DOT1L: variants seen among roughly 807,000 people sequenced by gnomAD.
DOT1L encodes DOT1 like histone lysine methyltransferase, also known as histone-lysine N-methyltransferase, H3 lysine-79 specific.
A neutral mutation model predicts 153.3 loss-of-function variants in DOT1L; 33 were observed. The observed-to-expected ratio is 0.22, with a 90% CI of 0.16 to 0.29. The LOEUF is 0.29. DOT1L is among the 10% of genes least tolerant of loss of function. DOT1L has a pLI of 1.00. For missense variants in DOT1L, 1,847 were observed against 2,119.9 expected, an observed-to-expected ratio of 0.87 and a Z score of 2.53; for synonymous variants, 1,135 against 965.1, an observed-to-expected ratio of 1.18 and a Z score of -3.26.
In DOT1L at chr19:2,204,153, G is replaced by A. The variant is rs1048480282; in HGVS notation, c.787+1374G>A. Among the ~76,000 whole-genome samples, 21 of 151,906 alleles carry A rather than the reference G, an allele frequency of 1.4e-4. No individual in the cohort carries two copies. Among genetic ancestry groups the A allele is most frequent in the East Asian group, 3.9e-4 (2 of 5,190 alleles). ...CATGCCTGTGTCTCTGTGTGTGCCC[G>A]TGTGCCTGTGTGTCTGTTAGCGTGT... On this transcript the variant is annotated intron_variant, in intron 9 of 27. Coordinates refer to ENST00000398665, the MANE Select transcript of DOT1L (RefSeq NM_032482.3). The surrounding 1 kb of genome is among the most constrained non-coding windows in gnomAD (Gnocchi z 5.7).
rs890063796 is a variant in DOT1L, at chr19:2,208,662, A to G, written c.964-273A>G. Among the ~76,000 whole-genome samples the G allele has an allele frequency of 1.1e-4, 17 of 152,102 alleles. No homozygotes were observed. Among genetic ancestry groups the G allele is most frequent in the African/African-American group, 4.1e-4 (17 of 41,408 alleles). On this transcript the variant is annotated intron_variant, in intron 11 of 27. Transcript: ENST00000398665. The surrounding 1 kb of genome is among the most constrained non-coding windows in gnomAD (Gnocchi z 4.4). ...AGCCCTCCCTCTTCCAGAAGCAGAG[A>G]CACATCCCAGGGCCCTGTGTCTGTT...
In DOT1L at chr19:2,226,896, C is replaced by G. The variant is rs1490016602; in HGVS notation, c.4375C>G (p.Gln1459Glu). 1.3e-6 allele frequency: 2 copies of G among 1,578,388 alleles called. No individual in the cohort carries two copies. Among genetic ancestry groups the G allele is most frequent in the Non-Finnish European group, 1.7e-6 (2 of 1,170,996 alleles). The change falls in exon 27 of 28, where the codon CAG becomes GAG. Residue 1459 changes from glutamine (Q) to glutamate (E), a missense_variant. Transcript: ENST00000398665. ...CGCAGGCGGCGCGGCGTCCTCCGCC[C>G]AGACGCACCGGTCCTTCCTGGGCCC... ...SSAGGAASSAQTHRSFLGPFP... is the reference protein window; with the variant it reads ...SSAGGAASSAETHRSFLGPFP...
intron 8 of DOT1L, among the ~76,000 whole-genome samples, chr19:2,200,549 C>T (rs1174406540): frequency 1.3e-5 from 2 of 152,260 alleles, no homozygotes; most frequent in Non-Finnish European, 2.9e-5. Context: ...AGCACTCCAG[C>T]GTGTGCCAGG....
At chr19:2,225,242 C>G in intron 25 of DOT1L, 146 bp from the exon 26 acceptor site, 1 of 747,240 alleles carries the variant, frequency 1.3e-6, no homozygotes, top group Non-Finnish European at 2.3e-6. Context: ...AGGCCTGGCC[C>G]AGGGTGGCTG....
chr19:2,175,748 T>G (rs1323252959), intron 1 of DOT1L, among the ~76,000 whole-genome samples: 1 of 152,112 alleles, frequency 6.6e-6, no homozygotes, highest in South Asian at 2.1e-4. Flanking sequence ...GAAAATCGCT[T>G]GAACCCAGGA....
At chr19:2,202,178 G>A (rs932032559) in intron 8 of DOT1L, among the ~76,000 whole-genome samples, 2 of 152,256 alleles carry the variant, frequency 1.3e-5, no homozygotes, top group South Asian at 2.1e-4. Context: ...TGGGAAAGCA[G>A]TGCTGGGCCT....
Position 2,207,599 on chromosome 19 carries a change from G to T in DOT1L, c.882G>T (p.Val294=). ...ACATCGGCACCATCATGCGCGTGGT[G>T]GAGCTCTCGCCCCTGAAGGGCTCGG... The part of the protein sequence containing the change: ...LSDIGTIMRV[V]ELSPLKGSVS... Residue 294 remains valine (V), a synonymous_variant, in exon 11 of 28, where the codon GTG becomes GTT. Coordinates refer to ENST00000398665, the MANE Select transcript of DOT1L (RefSeq NM_032482.3). The surrounding 1 kb of genome is among the most constrained non-coding windows in gnomAD (Gnocchi z 4.5). 6.2e-7 allele frequency: 1 copy of T among 1,612,028 alleles called. No homozygotes were observed. Among genetic ancestry groups the T allele is most frequent in the Non-Finnish European group, 8.5e-7 (1 of 1,179,724 alleles).
In DOT1L at chr19:2,216,310, G is replaced by A; in HGVS notation, c.1953G>A (p.Gln651=). 6.3e-7 allele frequency: 1 copy of A among 1,590,920 alleles called. No homozygotes were observed. The change falls in exon 20 of 28, where the codon CAG becomes CAA. Residue 651 remains glutamine, a synonymous_variant. Coordinates refer to ENST00000398665, the MANE Select transcript of DOT1L (RefSeq NM_032482.3). ...GCATTGTGGAGCTAGAGAAGAGCCA[G>A]CGGCAGCAGGAGCTCCTGCAGCTCA... ...QISIVELEKS[Q]RQQELLQLKS...
intron 22 of DOT1L, among the ~76,000 whole-genome samples, chr19:2,218,325 A>G (rs1011596070): frequency 6.6e-6 from 1 of 152,232 alleles, no homozygotes; most frequent in Non-Finnish European, 1.5e-5. Context: ...TTTTCTGGGC[A>G]TTGAACTATT....
intron 22 of DOT1L, among the ~76,000 whole-genome samples, chr19:2,218,136 T>C (rs1180572081): frequency 1.3e-5 from 2 of 152,124 alleles, no homozygotes; most frequent in Non-Finnish European, 2.9e-5. Flanking sequence ...CGTGTGCAAG[T>C]GGAGAGGGCC....
At chr19:2,202,831 G>T in intron 9 of DOT1L, 52 bp downstream of exon 9, 1 of 1,599,992 alleles carries the variant, frequency 6.3e-7, no homozygotes, top group South Asian at 1.1e-5. Context: ...TTGAGGAAGG[G>T]TGGCCAGGAG....
chr19:2,227,386 C>T (rs1461824018), intron 27 of DOT1L: 1 of 704,066 alleles, frequency 1.4e-6, no homozygotes, highest in South Asian at 1.5e-5. Flanking sequence ...GCAGGGCCAC[C>T]AGAGCATTAC....
At chr19:2,172,504 T>C (rs1051508875) in intron 1 of DOT1L, among the ~76,000 whole-genome samples, 2 of 150,254 alleles carry the variant, frequency 1.3e-5, no homozygotes, top group African/African-American at 4.9e-5. Flanking sequence ...CTTTTCTTTC[T>C]TTCTTTTTTT....
At chr19:2,227,148 T>C in intron 27 of DOT1L, 21 bp downstream of exon 27, 2 of 1,556,262 alleles carry the variant, frequency 1.3e-6, no homozygotes, top group East Asian at 2.3e-5. Flanking sequence ...CGGCCGTCCG[T>C]CCGCCCCCCG....
rs970829295 is a variant in DOT1L at position 2,189,789 on chromosome 19, C to T, written c.258C>T (p.His86=). 5.6e-6 allele frequency: 9 copies of T among 1,612,092 alleles called. No individual in the cohort carries two copies. In the African/African-American group the frequency reaches 9.3e-5, roughly 17 times the overall value. ...ACAACCGTGCCATCGACAGCATCCACCAGCTGGTAGGTGGCTTGCCCCTGC... is the reference window on the plus strand; with the variant it reads ...ACAACCGTGCCATCGACAGCATCCATCAGCTGGTAGGTGGCTTGCCCCTGC... ...DKYNRAIDSI[H]QLWKGTTQPM... Residue 86 remains histidine, a synonymous_variant, in exon 4 of 28, where the codon CAC becomes CAT. Coordinates refer to ENST00000398665, the MANE Select transcript of DOT1L (RefSeq NM_032482.3).
In DOT1L at chr19:2,217,820, C is replaced by T. The variant is rs894034200; in HGVS notation, c.2593C>T (p.Leu865=). ...CAGCAGCGGGGAGCTCATCACCAGCCTGCCCATCAGCATCCCGCTCAGCAC... is the reference window on the plus strand; with the variant it reads ...CAGCAGCGGGGAGCTCATCACCAGCTTGCCCATCAGCATCCCGCTCAGCAC... ...YGSSGELITS[L]PISIPLSTVQ... is the part of the protein sequence containing the mutation. Residue 865 remains leucine, a synonymous_variant, in exon 22 of 28, where the codon CTG becomes TTG. Transcript: ENST00000398665. The surrounding 1 kb of genome is among the most constrained non-coding windows in gnomAD (Gnocchi z 7.3). 2 of 1,608,746 alleles carry T rather than the reference C, an allele frequency of 1.2e-6. No homozygotes were observed. The highest frequency in any genetic ancestry group is 1.7e-6 in the Non-Finnish European group (2 of 1,178,352).
At chr19:2,168,788 G>T (rs1287719037) in intron 1 of DOT1L, among the ~76,000 whole-genome samples, 1 of 152,024 alleles carries the variant, frequency 6.6e-6, no homozygotes, top group Non-Finnish European at 1.5e-5. Flanking sequence ...CTAATTTTTT[G>T]TATTTTTAGT....
chr19:2,167,780 G>T (rs2019983298), intron 1 of DOT1L, among the ~76,000 whole-genome samples: 3 of 148,622 alleles, frequency 2.0e-5, no homozygotes, highest in Non-Finnish European at 4.4e-5. Context: ...CTATCGCCCA[G>T]GCTGGAGTGC....
At chr19:2,187,096 T>G (rs2022546439) in intron 3 of DOT1L, among the ~76,000 whole-genome samples, 1 of 152,178 alleles carries the variant, frequency 6.6e-6, no homozygotes, top group Non-Finnish European at 1.5e-5. Context: ...TTTCTAAGCT[T>G]CTTACCGCAG....
Sources: gnomAD v4.1 joint callset for allele counts (sites outside exome capture counted in the v4.1 genomes callset) on GRCh38, gnomAD v4.1.1 for gene constraint, Gnocchi (gnomAD v3.1) non-coding constraint, MANE v1.5 for transcripts, NCBI Gene and HGNC (gene_info 2026-07-23, HGNC 2026-07-21) for gene names.